NTRK3: variants seen among roughly 807,000 people sequenced by gnomAD.
NTRK3 encodes the protein NT-3 growth factor receptor.
NTRK3 carries 24 observed loss-of-function variants against 91.7 expected under a neutral mutation model. That is an observed-to-expected ratio of 0.26 (90% CI 0.19 to 0.37). The LOEUF (loss-of-function observed/expected upper bound fraction) is 0.37. NTRK3 is among the 10% of genes least tolerant of loss of function. The probability of loss-of-function intolerance (pLI) is 1.00; values close to 1 mark genes in which losing one functional copy is unlikely to be tolerated. For missense variants in NTRK3, 880 were observed against 1,068.9 expected (o/e 0.82, Z 2.46); for synonymous variants, 483 against 404.0 (o/e 1.20, Z -2.34).
chr15:87,908,543 GC>G, intron 17 of NTRK3: 1 of 399,460 alleles, frequency 2.5e-6, no homozygotes, highest in East Asian at 3.6e-5. Flanking sequence ...CACTGAACGG[GC>G]CCTTCTGGCA....
chr15:88,089,264 G>A lies in NTRK3; in HGVS notation c.1396+37007C>T, dbSNP rs1053129928. ...CAGTTACTCACCCTTCTTAAGCCTCGGCTCAGTTATCTGCAAAGTAATTTA... is the reference window on the plus strand; with the variant it reads ...CAGTTACTCACCCTTCTTAAGCCTCAGCTCAGTTATCTGCAAAGTAATTTA... On this transcript the variant is annotated intron_variant, in intron 13 of 18. Transcript: ENST00000394480. 3.9e-5 allele frequency among the ~76,000 whole-genome samples: 6 copies of A among 152,078 alleles called. No homozygotes were observed. In the South Asian group the frequency reaches 6.2e-4, roughly 16 times the overall value.
At position 87,968,476 on chromosome 15, in the gene NTRK3, T is replaced by C. The variant is rs145937437; in HGVS notation, c.1586-27723A>G. Among the ~76,000 whole-genome samples the C allele has an allele frequency of 3.9e-3, 587 of 152,046 alleles. 5 individuals carry two copies. The highest frequency in any genetic ancestry group is 0.014 in the African/African-American group (560 of 41,446). ...CACGTTCAGAGTTTTATAACAGGAG[T>C]GTCACTGTGACATTTTAACTGCAAA... On this transcript the variant is annotated intron_variant, in intron 14 of 18. Coordinates refer to ENST00000394480, the Ensembl canonical transcript of NTRK3.
intron 3 of NTRK3, among the ~76,000 whole-genome samples, chr15:88,227,193 C>T (rs1033980070): frequency 2.0e-5 from 3 of 152,148 alleles, no homozygotes; most frequent in African/African-American, 7.2e-5. Flanking sequence ...TCTCCTGCTC[C>T]TTCAGGCTCT....
Position 87,980,543 on chromosome 15 carries a change from T to A in NTRK3, c.1586-39790A>T, listed in dbSNP as rs556734627. On this transcript the variant is annotated intron_variant, in intron 14 of 18. Transcript: ENST00000394480. Reference sequence around the variant, plus strand: ...TGTGTGTGTACACATATGTGTGTGTTTGAATGTGTATGTGTGTGTGAATAT... The same window carrying A: ...TGTGTGTGTACACATATGTGTGTGTATGAATGTGTATGTGTGTGTGAATAT... 3.7e-4 allele frequency among the ~76,000 whole-genome samples: 56 copies of A among 152,266 alleles called. No homozygotes were observed. The South Asian group carries it at 0.012, about 32-fold the overall frequency.
chr15:87,946,847 C>G (rs8035101), intron 14 of NTRK3, among the ~76,000 whole-genome samples: 3 of 148,638 alleles, frequency 2.0e-5, no homozygotes, highest in African/African-American at 7.5e-5. Flanking sequence ...GCACATGATA[C>G]CTTTACAGCT....
intron 14 of NTRK3, among the ~76,000 whole-genome samples, chr15:88,014,178 G>A (rs1055024592): frequency 6.6e-6 from 1 of 152,168 alleles, no homozygotes. Context: ...CAATTTCTGT[G>A]GCAATTACTG....
chr15:88,027,524 A>G (rs1452903994), intron 14 of NTRK3, among the ~76,000 whole-genome samples: 1 of 152,138 alleles, frequency 6.6e-6, no homozygotes, highest in East Asian at 1.9e-4. Context: ...CTGGGACTAC[A>G]GGCACCTGCC....
At chr15:88,134,072 G>A (rs549183818) in intron 10 of NTRK3, among the ~76,000 whole-genome samples, 1 of 152,212 alleles carries the variant, frequency 6.6e-6, no homozygotes, top group South Asian at 2.1e-4. Flanking sequence ...TTTTCCCTTT[G>A]TGCACGTGTG....
At chr15:88,170,689 G>A (rs779328159) in intron 5 of NTRK3, among the ~76,000 whole-genome samples, 2 of 152,112 alleles carry the variant, frequency 1.3e-5, no homozygotes, top group Admixed American at 6.5e-5. Flanking sequence ...GAACCAGACC[G>A]CCACACCCTC....
intron 17 of NTRK3, among the ~76,000 whole-genome samples, chr15:87,895,629 C>T (rs557444396): frequency 2.1e-3 from 320 of 152,214 alleles, no homozygotes; most frequent in African/African-American, 7.4e-3. Flanking sequence ...TGTTTTCCTT[C>T]CTCTCTTTCC....
chr15:88,114,586 TCTCAAAGACAG>T (rs2051826130), intron 13 of NTRK3, among the ~76,000 whole-genome samples: 1 of 152,128 alleles, frequency 6.6e-6, no homozygotes, highest in African/African-American at 2.4e-5. Context: ...TACTAACTCA[TCTCAAAGACAG>T]GCTGTTAGCA....
chr15:88,216,525 C>T (rs2049788813), intron 3 of NTRK3, among the ~76,000 whole-genome samples: 1 of 152,164 alleles, frequency 6.6e-6, no homozygotes, highest in Non-Finnish European at 1.5e-5. Flanking sequence ...TCTGCACGAC[C>T]CCAAATTAGC....
chr15:87,960,893 T>C (rs903681961), intron 14 of NTRK3, among the ~76,000 whole-genome samples: 3 of 152,178 alleles, frequency 2.0e-5, no homozygotes, highest in Non-Finnish European at 4.4e-5. Context: ...GCGTGCCATA[T>C]CATTCTTCTG....
intron 14 of NTRK3, among the ~76,000 whole-genome samples, chr15:87,991,844 A>G (rs1037502943): frequency 2.6e-5 from 4 of 152,122 alleles, no homozygotes; most frequent in East Asian, 3.9e-4. Context: ...TAAATTACTT[A>G]ACTTCCCTAA....
chr15:88,084,389 T>A (rs986999362), intron 13 of NTRK3, among the ~76,000 whole-genome samples: 2 of 152,166 alleles, frequency 1.3e-5, no homozygotes, highest in African/African-American at 4.8e-5. Flanking sequence ...AAGACTGAGC[T>A]CCTCAGAGCC....
intron 13 of NTRK3, among the ~76,000 whole-genome samples, chr15:88,087,345 C>T (rs2048595263): frequency 6.6e-6 from 1 of 152,116 alleles, no homozygotes; most frequent in Admixed American, 6.5e-5. Flanking sequence ...GGGGAGTGTC[C>T]GGCAGGTCTC....
intron 3 of NTRK3, among the ~76,000 whole-genome samples, chr15:88,189,086 A>G (rs2047177143): frequency 6.6e-6 from 1 of 152,208 alleles, no homozygotes; most frequent in African/African-American, 2.4e-5. Context: ...CCAGAGTCAG[A>G]GTCGGGCTTA....
rs58367924 is a variant in NTRK3 at position 87,912,931 on chromosome 15, AATATATATATATATAT to A, written c.2133+16244_2133+16259del. On this transcript the variant is annotated intron_variant, in intron 17 of 18. Transcript: ENST00000394480. ...TTCAACTTTTCAAAAAGTAAAAAAAAATATATATATATATATATATATATATATATATATATATATA... is the reference window on the plus strand; with the variant it reads ...TTCAACTTTTCAAAAAGTAAAAAAAAATATATATATATATATATATATATA... Among the ~76,000 whole-genome samples the A allele has an allele frequency of 1.1e-3, 39 of 36,504 alleles. 1 individual carries two copies. The South Asian group carries it at 0.014, about 13-fold the overall frequency. The allele number at this position is 36,504 out of a possible 152,430, so 23.9% of individuals were successfully genotyped here. A position where few individuals can be genotyped will look rare whatever the true frequency, so the allele number is the denominator to read the frequency against.
At chr15:88,189,046 G>C (rs1289315227) in intron 3 of NTRK3, among the ~76,000 whole-genome samples, 1 of 152,236 alleles carries the variant, frequency 6.6e-6, no homozygotes, top group Admixed American at 6.5e-5. Flanking sequence ...GAGGGAGACA[G>C]TGGGGCATAA....
Sources: allele counts gnomAD v4.1 joint callset (sites outside exome capture counted in the v4.1 genomes callset), GRCh38; gene constraint gnomAD v4.1.1; transcripts MANE v1.5; gene names NCBI Gene and HGNC (gene_info 2026-07-23, HGNC 2026-07-21).